The following UGGT2 variants were observed in gnomAD, a reference collection of about 807,000 sequenced individuals.
UGGT2 encodes UDP-glucose:glycoprotein glucosyltransferase 2.
Under a neutral mutation model 192.1 loss-of-function variants are expected in UGGT2, and 180 were observed. That is an observed-to-expected ratio of 0.94 (90% CI 0.83 to 1.06). The LOEUF is 1.06. UGGT2 is among the 50% of genes least tolerant of loss of function. UGGT2 has a pLI of 0.00. For missense variants in UGGT2, 1,849 were observed against 1,795.7 expected (o/e 1.03, Z -0.54); for synonymous variants, 580 against 591.0 (o/e 0.98, Z 0.27).
At chr13:95,842,289 T>C (rs1284132874) in intron 36 of UGGT2, among the ~76,000 whole-genome samples, 2 of 152,234 alleles carry the variant, frequency 1.3e-5, no homozygotes, top group Admixed American at 1.3e-4. Flanking sequence ...AATAGGATTA[T>C]ATAATACAAA....
intron 5 of UGGT2, among the ~76,000 whole-genome samples, chr13:96,000,734 A>G (rs1227576413): frequency 1.3e-5 from 2 of 152,178 alleles, no homozygotes; most frequent in African/African-American, 4.8e-5. Context: ...TTAGCTCCTC[A>G]GTAATAAAAA....
chr13:96,006,352 C>T (rs192484954), intron 5 of UGGT2, among the ~76,000 whole-genome samples: 3 of 152,204 alleles, frequency 2.0e-5, no homozygotes, highest in African/African-American at 7.2e-5. Flanking sequence ...TGGCTGGGTG[C>T]AGTGGCTCAT....
chr13:95,942,224 GTGTGTGTGTGT>G (rs368586640), intron 15 of UGGT2, among the ~76,000 whole-genome samples: 1,204 of 82,718 alleles, frequency 0.015, 11 homozygotes, highest in Non-Finnish European at 0.02. Flanking sequence ...GGGTGAGGGT[GTGTGTGTGTGT>G]GTGTGTGTGT....
At chr13:96,040,947 A>G (rs2053147728) in intron 1 of UGGT2, among the ~76,000 whole-genome samples, 1 of 152,208 alleles carries the variant, frequency 6.6e-6, no homozygotes, top group South Asian at 2.1e-4. Context: ...TACTGGGGAA[A>G]GGATAAAGGA....
At chr13:96,024,039 A>G (rs2052593756) in intron 2 of UGGT2, among the ~76,000 whole-genome samples, 1 of 152,184 alleles carries the variant, frequency 6.6e-6, no homozygotes, top group Admixed American at 6.5e-5. Context: ...ACTTACTCCA[A>G]AGTTGTGGGG....
At chr13:95,882,282 CA>C (rs2047517345) in intron 27 of UGGT2, among the ~76,000 whole-genome samples, 2 of 152,178 alleles carry the variant, frequency 1.3e-5, no homozygotes, top group South Asian at 4.1e-4. Context: ...AATGTAGTGA[CA>C]ATCATGTGAA....
intron 7 of UGGT2, among the ~76,000 whole-genome samples, chr13:95,991,702 TTA>T (rs1305532391): frequency 2.6e-5 from 4 of 152,174 alleles, no homozygotes; most frequent in African/African-American, 9.7e-5. Context: ...TATTTTTAAG[TTA>T]TCAGATTATA....
chr13:95,848,194 T>G (rs1182863546), intron 36 of UGGT2, among the ~76,000 whole-genome samples: 1 of 152,238 alleles, frequency 6.6e-6, no homozygotes, highest in Non-Finnish European at 1.5e-5. Context: ...TGCATTTTTT[T>G]GGATAACACT....
At chr13:96,013,215 T>C in intron 5 of UGGT2, 92 bp downstream of exon 5, 1 of 1,269,712 alleles carries the variant, frequency 7.9e-7, no homozygotes, top group Non-Finnish European at 1.1e-6. Context: ...ACTATTCTGG[T>C]GAAAATTAAT....
At chr13:96,041,126 T>C (rs966510710) in intron 1 of UGGT2, among the ~76,000 whole-genome samples, 1 of 152,178 alleles carries the variant, frequency 6.6e-6, no homozygotes. Context: ...CTGAAGGAAA[T>C]GAATTGCTCC....
chr13:95,982,208 G>A (rs1321828603), intron 10 of UGGT2, among the ~76,000 whole-genome samples: 1 of 152,206 alleles, frequency 6.6e-6, no homozygotes, highest in Non-Finnish European at 1.5e-5. Flanking sequence ...GGCAGATAGT[G>A]AGTCCTCGGT....
intron 21 of UGGT2, 147 bp downstream of exon 21, chr13:95,902,707 G>A (rs1257426897): frequency 2.6e-6 from 2 of 777,430 alleles, no homozygotes; most frequent in African/African-American, 3.5e-5. Flanking sequence ...ATCATTTAAT[G>A]TTTATCTTTT....
In UGGT2 at chr13:96,053,356, A is replaced by C; in HGVS notation, c.-44T>G. On this transcript the variant is annotated 5_prime_UTR_variant, in exon 1 of 39. Transcript: ENST00000376747. ...CGAGTCCCTCGGACCCGGTACCCAC[A>C]GTCTGTGGCCGCCACGCTTCGGCCG... 7 of 1,556,426 alleles carry C rather than the reference A, an allele frequency of 4.5e-6. No homozygotes were observed. Among genetic ancestry groups the C allele is most frequent in the Non-Finnish European group, 6.0e-6 (7 of 1,162,628 alleles).
intron 34 of UGGT2, 127 bp downstream of exon 34, chr13:95,856,031 A>ATCACAATC (rs771041746): frequency 8.4e-5 from 63 of 748,002 alleles, no homozygotes; most frequent in Non-Finnish European, 1.2e-4. Flanking sequence ...TTGCTTATAT[A>ATCACAATC]TCACAATCGT....
At chr13:96,027,934 T>C (rs1172720199) in intron 2 of UGGT2, among the ~76,000 whole-genome samples, 1 of 152,200 alleles carries the variant, frequency 6.6e-6, no homozygotes, top group Non-Finnish European at 1.5e-5. Flanking sequence ...CTTAATATTC[T>C]CCTGGCTTTC....
At chr13:95,830,542 T>C (rs1755673183) in intron 38 of UGGT2, among the ~76,000 whole-genome samples, 2 of 152,338 alleles carry the variant, frequency 1.3e-5, no homozygotes, top group Admixed American at 1.3e-4. Flanking sequence ...TCATCATCAC[T>C]GGTCATTAGA....
intron 27 of UGGT2, among the ~76,000 whole-genome samples, chr13:95,883,975 T>C (rs1450248995): frequency 1.3e-5 from 2 of 149,724 alleles, no homozygotes; most frequent in African/African-American, 2.5e-5. Flanking sequence ...GAAGCAGGTA[T>C]ACCTGGCCTG....
chr13:95,907,248 C>T (rs1384669499), intron 20 of UGGT2, among the ~76,000 whole-genome samples: 1 of 152,190 alleles, frequency 6.6e-6, no homozygotes, highest in Non-Finnish European at 1.5e-5. Flanking sequence ...GTAAACAAAG[C>T]GGCTGGGAAG....
At chr13:95,886,311 T>C (rs207474277) in intron 26 of UGGT2, among the ~76,000 whole-genome samples, 1 of 152,226 alleles carries the variant, frequency 6.6e-6, no homozygotes, top group Admixed American at 6.5e-5. Context: ...TTGCTTGATA[T>C]ATGCTACTGA....
Sources: gnomAD v4.1 joint callset for allele counts (sites outside exome capture counted in the v4.1 genomes callset) on GRCh38, gnomAD v4.1.1 for gene constraint, MANE v1.5 for transcripts, NCBI Gene and HGNC (gene_info 2026-07-23, HGNC 2026-07-21) for gene names.